Variants in HEMK2 observed in about 807,000 individuals in gnomAD.
The protein encoded by HEMK2 is HemK methyltransferase 2, ETF1 glutamine and histone H4 lysine, also known as methyltransferase HEMK2.
the HEMK2 span, among the ~76,000 whole-genome samples, chr21:28,682,813 A>C: frequency 6.6e-6 from 1 of 152,120 alleles, no homozygotes; most frequent in African/African-American, 2.4e-5. Flanking sequence ...CAAAAAACCA[A>C]ACACCGCATG....
chr21:28,588,184 C>T, the HEMK2 span, among the ~76,000 whole-genome samples: 2 of 152,116 alleles, frequency 1.3e-5, no homozygotes, highest in Non-Finnish European at 2.9e-5. Context: ...AGACTCTCCA[C>T]ATTCTTGAAG....
At chr21:28,831,721 AGG>A in the HEMK2 span, among the ~76,000 whole-genome samples, 121 of 137,400 alleles carry the variant, frequency 8.8e-4, 1 homozygote, top group Non-Finnish European at 9.6e-4. Flanking sequence ...GAAGGAAGGA[AGG>A]AAGGAAGGAA....
the HEMK2 span, among the ~76,000 whole-genome samples, chr21:28,683,180 G>C: frequency 6.6e-6 from 1 of 151,566 alleles, no homozygotes; most frequent in African/African-American, 2.4e-5. Context: ...AAACACAAGA[G>C]AACACTTCAT....
At chr21:28,594,239 C>A in the HEMK2 span, among the ~76,000 whole-genome samples, 6 of 152,194 alleles carry the variant, frequency 3.9e-5, no homozygotes, top group African/African-American at 9.6e-5. Flanking sequence ...GAAGACTGAG[C>A]AGACATGAGG....
the HEMK2 span, among the ~76,000 whole-genome samples, chr21:28,671,700 G>T: frequency 6.6e-6 from 1 of 152,096 alleles, no homozygotes. Context: ...GTATAGCAAT[G>T]CCAGGGATAT....
At chr21:28,883,062 T>C in the HEMK2 span, 2 of 1,601,002 alleles carry the variant, frequency 1.2e-6, no homozygotes, top group Non-Finnish European at 1.7e-6. Flanking sequence ...CTTCCAGGCA[T>C]ATTTCCACTC....
chr21:28,877,170 G>C, the HEMK2 span, among the ~76,000 whole-genome samples: 1 of 122,774 alleles, frequency 8.1e-6, no homozygotes, highest in African/African-American at 3.1e-5. Context: ...GAGAAAGAAA[G>C]AAAGAAAGAG....
chr21:28,823,419 A>G, the HEMK2 span, among the ~76,000 whole-genome samples: 1 of 152,208 alleles, frequency 6.6e-6, no homozygotes, highest in Non-Finnish European at 1.5e-5. Flanking sequence ...ATCATTTTAT[A>G]AAAACATAGA....
At chr21:28,829,999 G>A in the HEMK2 span, among the ~76,000 whole-genome samples, 10 of 152,164 alleles carry the variant, frequency 6.6e-5, no homozygotes, top group South Asian at 2.1e-4. Flanking sequence ...TCAGAGAAGG[G>A]TGGGCTCTTC....
chr21:28,761,881 T>C, the HEMK2 span, among the ~76,000 whole-genome samples: 736 of 152,070 alleles, frequency 4.8e-3, 5 homozygotes, highest in African/African-American at 0.015. Flanking sequence ...AAGACGAAGA[T>C]TGGAATGAAA....
chr21:28,826,803 G>A, the HEMK2 span, among the ~76,000 whole-genome samples: 1 of 152,120 alleles, frequency 6.6e-6, no homozygotes, highest in Non-Finnish European at 1.5e-5. Context: ...CTATGATAAT[G>A]AACTTTAGCC....
the HEMK2 span, among the ~76,000 whole-genome samples, chr21:28,833,979 A>C: frequency 2.6e-5 from 4 of 152,232 alleles, no homozygotes; most frequent in Admixed American, 1.3e-4. Flanking sequence ...GAATGTTCCA[A>C]GAACTAAGAG....
At chr21:28,831,514 A>C in the HEMK2 span, among the ~76,000 whole-genome samples, 114 of 94,852 alleles carry the variant, frequency 1.2e-3, 2 homozygotes, top group African/African-American at 5.4e-3. Context: ...AAAGAAAGAA[A>C]GAAAGAAAGA....
the HEMK2 span, among the ~76,000 whole-genome samples, chr21:28,819,544 CTTTTTT>C: frequency 2.9e-4 from 33 of 111,902 alleles, no homozygotes; most frequent in Non-Finnish European, 5.1e-4. Context: ...TTTTCTTTTC[CTTTTTT>C]TTTTTTTTTT....
the HEMK2 span, among the ~76,000 whole-genome samples, chr21:28,771,518 A>ACCCCCCCCCCCCCC: frequency 1.9e-4 from 20 of 105,632 alleles, no homozygotes; most frequent in South Asian, 3.9e-4. Flanking sequence ...AAGATGCACC[A>ACCCCCCCCCCCCCC]CCCCCCCCCG....
the HEMK2 span, among the ~76,000 whole-genome samples, chr21:28,883,274 C>T: frequency 3.9e-5 from 6 of 152,064 alleles, no homozygotes; most frequent in African/African-American, 9.6e-5. Context: ...ATTTTGGGTA[C>T]GTAATATAAG....
the HEMK2 span, among the ~76,000 whole-genome samples, chr21:28,629,926 C>A: frequency 6.8e-6 from 1 of 146,778 alleles, no homozygotes; most frequent in Non-Finnish European, 1.5e-5. Context: ...TGCTCAGTTT[C>A]TTTTTTTTTT....
the HEMK2 span, among the ~76,000 whole-genome samples, chr21:28,759,350 T>C: frequency 6.6e-6 from 1 of 152,166 alleles, no homozygotes; most frequent in Non-Finnish European, 1.5e-5. Context: ...TCCCTTTGTT[T>C]TGGCCAATTT....
the HEMK2 span, among the ~76,000 whole-genome samples, chr21:28,763,444 A>T: frequency 1.3e-5 from 2 of 151,954 alleles, no homozygotes; most frequent in African/African-American, 2.4e-5. Flanking sequence ...TCTTGCGTGA[A>T]CTCACTCATC....
Sources: allele counts gnomAD v4.1 joint callset (sites outside exome capture counted in the v4.1 genomes callset), GRCh38; gene constraint gnomAD v4.1.1; transcripts MANE v1.5; gene names NCBI Gene and HGNC (gene_info 2026-07-23, HGNC 2026-07-21).